The following MDFIC2 variants were observed in gnomAD, a reference collection of about 807,000 sequenced individuals.
MDFIC2 encodes the protein myoD family inhibitor domain-containing protein 2.
chr3:70,306,658 C>A (rs1702403973), intron 2 of MDFIC2, among the ~76,000 whole-genome samples: 1 of 152,084 alleles, frequency 6.6e-6, no homozygotes, highest in Non-Finnish European at 1.5e-5. Context: ...CATTGGACAG[C>A]ACCAACATCT....
intron 2 of MDFIC2, among the ~76,000 whole-genome samples, chr3:70,284,620 A>T (rs1192465329): frequency 6.6e-6 from 1 of 152,174 alleles, no homozygotes; most frequent in Non-Finnish European, 1.5e-5. Flanking sequence ...GCCAGAGGAC[A>T]TCTTCCTTAG....
At chr3:70,274,379 A>C (rs1394896851) in intron 2 of MDFIC2, among the ~76,000 whole-genome samples, 1 of 152,164 alleles carries the variant, frequency 6.6e-6, no homozygotes, top group African/African-American at 2.4e-5. Context: ...GAAATATAGA[A>C]TGAGTATGTG....
In MDFIC2 at chr3:70,196,897, G is replaced by C; in HGVS notation, c.*29C>G. The C allele has an allele frequency of 2.5e-6, 1 of 398,410 alleles. No homozygotes were observed. Among genetic ancestry groups the C allele is most frequent in the Non-Finnish European group, 4.4e-6 (1 of 225,970 alleles). The allele number at this position is 398,410 out of a possible 1,614,324, so 24.7% of individuals were successfully genotyped here. A position where few individuals can be genotyped will look rare whatever the true frequency, so the allele number is the denominator to read the frequency against. On this transcript the variant is annotated 3_prime_UTR_variant, in exon 4 of 4. Coordinates refer to ENST00000567252, the MANE Select transcript of MDFIC2 (RefSeq NM_001364677.1). ...TGGAATTTCCCACCGTGGCCAAAAG[G>C]ACTGCCGGAATGTGGTTACTTCACT...
intron 2 of MDFIC2, among the ~76,000 whole-genome samples, chr3:70,280,948 C>G (rs1189378373): frequency 6.6e-6 from 1 of 152,092 alleles, no homozygotes; most frequent in South Asian, 2.1e-4. Flanking sequence ...CATATCATAC[C>G]CTTTTTGTGT....
chr3:70,252,332 T>A (rs1463242495), intron 2 of MDFIC2, among the ~76,000 whole-genome samples: 3 of 152,184 alleles, frequency 2.0e-5, no homozygotes, highest in African/African-American at 7.2e-5. Flanking sequence ...AATTCTCCCA[T>A]AAGCCTTTCA....
At chr3:70,290,070 A>G (rs1419342150) in intron 2 of MDFIC2, among the ~76,000 whole-genome samples, 1 of 152,210 alleles carries the variant, frequency 6.6e-6, no homozygotes, top group Non-Finnish European at 1.5e-5. Context: ...CGTCAAAGTC[A>G]TTCTCCATCC....
intron 2 of MDFIC2, among the ~76,000 whole-genome samples, chr3:70,250,336 T>C (rs1219880959): frequency 6.6e-6 from 1 of 152,036 alleles, no homozygotes; most frequent in Non-Finnish European, 1.5e-5. Context: ...AGCGACATTT[T>C]TTAGGTAATT....
At chr3:70,281,971 T>G (rs1361854693) in intron 2 of MDFIC2, among the ~76,000 whole-genome samples, 1 of 152,204 alleles carries the variant, frequency 6.6e-6, no homozygotes, top group African/African-American at 2.4e-5. Flanking sequence ...AGGCCAGTCC[T>G]GGCTTAGGAT....
intron 2 of MDFIC2, among the ~76,000 whole-genome samples, chr3:70,278,852 G>A (rs1315489426): frequency 1.3e-5 from 2 of 151,788 alleles, no homozygotes; most frequent in East Asian, 3.9e-4. Flanking sequence ...TCAAATCAAA[G>A]GGTTGTTGTA....
intron 2 of MDFIC2, among the ~76,000 whole-genome samples, chr3:70,287,859 G>T (rs1156571189): frequency 2.0e-5 from 3 of 152,016 alleles, no homozygotes; most frequent in Admixed American, 2.0e-4. Flanking sequence ...GGTGTTTGTA[G>T]TATTCTCTGA....
intron 3 of MDFIC2, among the ~76,000 whole-genome samples, chr3:70,199,206 G>A (rs188549545): frequency 2.0e-5 from 3 of 152,256 alleles, no homozygotes; most frequent in Admixed American, 2.0e-4. Context: ...GTGACCTTAA[G>A]GATTGGAGCT....
chr3:70,227,951 A>G (rs957015623), intron 2 of MDFIC2, among the ~76,000 whole-genome samples: 1 of 152,022 alleles, frequency 6.6e-6, no homozygotes, highest in Non-Finnish European at 1.5e-5. Context: ...TTAATAGGTG[A>G]ATAGTATAAC....
intron 2 of MDFIC2, among the ~76,000 whole-genome samples, chr3:70,266,155 A>G (rs1476832992): frequency 6.6e-6 from 1 of 152,222 alleles, no homozygotes; most frequent in African/African-American, 2.4e-5. Context: ...AGCCTTAAGC[A>G]GAATGTTGCT....
chr3:70,221,697 A>G (rs1038003015), intron 2 of MDFIC2, among the ~76,000 whole-genome samples: 2 of 152,186 alleles, frequency 1.3e-5, no homozygotes, highest in African/African-American at 4.8e-5. Context: ...TTCAAATGGA[A>G]GGGGAAAAAG....
At chr3:70,198,161 T>C (rs1271513051) in intron 3 of MDFIC2, among the ~76,000 whole-genome samples, 1 of 152,188 alleles carries the variant, frequency 6.6e-6, no homozygotes, top group African/African-American at 2.4e-5. Context: ...TTAAAATCAG[T>C]AATCTGAAGA....
At chr3:70,216,823 A>T (rs1473083472) in intron 2 of MDFIC2, among the ~76,000 whole-genome samples, 1 of 152,070 alleles carries the variant, frequency 6.6e-6, no homozygotes, top group African/African-American at 2.4e-5. Flanking sequence ...ATGTCTGGAG[A>T]TAATGTTTAT....
chr3:70,279,727 G>C (rs1702062763), intron 2 of MDFIC2, among the ~76,000 whole-genome samples: 1 of 152,172 alleles, frequency 6.6e-6, no homozygotes, highest in South Asian at 2.1e-4. Flanking sequence ...GGCTTCCTGA[G>C]TAGTTGCCAA....
At chr3:70,290,244 G>A (rs1182816177) in intron 2 of MDFIC2, among the ~76,000 whole-genome samples, 5 of 152,140 alleles carry the variant, frequency 3.3e-5, no homozygotes, top group Admixed American at 3.3e-4. Flanking sequence ...TTTTGGTGTG[G>A]ATGTCCTTTC....
In MDFIC2 at chr3:70,256,105, G is replaced by T. The variant is rs144585289; in HGVS notation, c.89-49315C>A. 4.5e-3 allele frequency among the ~76,000 whole-genome samples: 678 copies of T among 152,278 alleles called. 3 individuals are homozygous for T. The highest frequency in any genetic ancestry group is 6.8e-3 in the Non-Finnish European group (464 of 68,012). On this transcript the variant is annotated intron_variant, in intron 2 of 3. Transcript: ENST00000567252. ...TTCAGGGTTTTAGGTAATGGAGCAAGAACTAACAAGGTCAAATGATTTTAT... is the reference window on the plus strand; with the variant it reads ...TTCAGGGTTTTAGGTAATGGAGCAATAACTAACAAGGTCAAATGATTTTAT...
Sources: allele counts gnomAD v4.1 joint callset (sites outside exome capture counted in the v4.1 genomes callset), GRCh38; gene constraint gnomAD v4.1.1; transcripts MANE v1.5; gene names NCBI Gene and HGNC (gene_info 2026-07-23, HGNC 2026-07-21).